PPM1K: variants seen among roughly 807,000 people sequenced by gnomAD.
PPM1K encodes the protein protein phosphatase Mn(2+)-dependent 1K.
In PPM1K, 19 loss-of-function variants were observed where a neutral mutation model predicts 32.6. The ratio of observed to expected loss-of-function variants is 0.58; its 90% CI spans 0.41 to 0.86. The LOEUF (loss-of-function observed/expected upper bound fraction) is 0.86, where lower values mean the gene tolerates loss of function less well. PPM1K is among the 40% of genes least tolerant of loss of function. The probability of loss-of-function intolerance (pLI) is 0.00; values close to 1 mark genes in which losing one functional copy is unlikely to be tolerated. For synonymous variants in PPM1K, 159 were observed against 165.3 expected (o/e 0.96, Z 0.29); for missense variants, 362 against 461.2 (o/e 0.78, Z 1.97).
Position 88,282,082 on chromosome 4 carries a change from T to C in PPM1K, c.-60+2324A>G, listed in dbSNP as rs535921085. ...GCAATTAAAAATTGGGATGAGTTCATTATTCCACAAACTAAGAGAGAGAAG... is the reference window on the plus strand; with the variant it reads ...GCAATTAAAAATTGGGATGAGTTCACTATTCCACAAACTAAGAGAGAGAAG... On this transcript the variant is annotated intron_variant, in intron 1 of 6. Coordinates refer to ENST00000608933, the MANE Select transcript of PPM1K (RefSeq NM_152542.5). 1.2e-3 allele frequency among the ~76,000 whole-genome samples: 181 copies of C among 152,348 alleles called. 1 individual carries two copies. The highest frequency in any genetic ancestry group is 4.0e-3 in the African/African-American group (165 of 41,582).
intron 5 of PPM1K, among the ~76,000 whole-genome samples, chr4:88,266,469 G>T (rs550295816): frequency 2.0e-5 from 3 of 151,818 alleles, no homozygotes; most frequent in Admixed American, 6.6e-5. Context: ...TTGGGTGCAG[G>T]TGATGCTGAT....
intron 1 of PPM1K, among the ~76,000 whole-genome samples, chr4:88,281,040 CT>C (rs1203994172): frequency 3.3e-5 from 5 of 151,734 alleles, no homozygotes; most frequent in African/African-American, 1.2e-4. Flanking sequence ...AGACTTCAAA[CT>C]ACAATACAAT....
chr4:88,283,484 G>T, intron 1 of PPM1K, among the ~76,000 whole-genome samples: 1 of 152,174 alleles, frequency 6.6e-6, no homozygotes, highest in East Asian at 1.9e-4. Context: ...TCATTCCTCC[G>T]CCCTGACGGA....
intron 3 of PPM1K, 74 bp from the exon 4 acceptor site, chr4:88,268,980 A>AAT: frequency 7.9e-7 from 1 of 1,268,312 alleles, no homozygotes; most frequent in Non-Finnish European, 1.1e-6. Flanking sequence ...TTATTACAAA[A>AAT]TAAAACACAA....
At position 88,276,670 on chromosome 4, in the gene PPM1K, T is replaced by C. The variant is rs1372497243; in HGVS notation, c.541+473A>G. Reference sequence around the variant, plus strand: ...AAATTAGTGCATATTAACCATTGTCTTTTTCTATTTAGGACCTATTTGCAA... The same window carrying C: ...AAATTAGTGCATATTAACCATTGTCCTTTTCTATTTAGGACCTATTTGCAA... On this transcript the variant is annotated intron_variant, in intron 3 of 6. Coordinates refer to ENST00000608933, the MANE Select transcript of PPM1K (RefSeq NM_152542.5). The C allele has an allele frequency of 8.1e-6, 8 of 985,110 alleles. No individual in the cohort carries two copies. The Admixed American group carries it at 4.9e-4, about 61-fold the overall frequency. The allele number at this position is 985,110 out of a possible 1,614,324, so 61.0% of individuals were successfully genotyped here.
chr4:88,272,048 C>A (rs1208610275), intron 3 of PPM1K, among the ~76,000 whole-genome samples: 1 of 152,114 alleles, frequency 6.6e-6, no homozygotes. Context: ...ACATAAAGAG[C>A]AAAAGCTATA....
At chr4:88,277,484 C>T (rs1731826671) in intron 2 of PPM1K, 5 of 432,438 alleles carry the variant, frequency 1.2e-5, no homozygotes, top group Non-Finnish European at 8.3e-6. Context: ...TTGATCCTCA[C>T]TACCACAACC....
chr4:88,281,697 C>T lies in PPM1K; in HGVS notation c.-60+2709G>A, dbSNP rs114043660. ...AGGTAAACGAGATGTTACGAACTGG[C>T]TCCATGTCCTTTTCCATCTGCAATG... On this transcript the variant is annotated intron_variant, in intron 1 of 6. Coordinates refer to ENST00000608933, the MANE Select transcript of PPM1K (RefSeq NM_152542.5). Among the ~76,000 whole-genome samples, 526 of 152,304 alleles carry T rather than the reference C, an allele frequency of 3.5e-3. 1 individual carries two copies. The highest frequency in any genetic ancestry group is 0.012 in the African/African-American group (497 of 41,566).
At chr4:88,269,402 T>C (rs1029272474) in intron 3 of PPM1K, among the ~76,000 whole-genome samples, 7 of 152,232 alleles carry the variant, frequency 4.6e-5, no homozygotes, top group African/African-American at 1.4e-4. Context: ...TATCAGTTAG[T>C]AGGCTAAGTG....
At chr4:88,275,114 G>T (rs1731712951) in intron 3 of PPM1K, 1 of 622,062 alleles carries the variant, frequency 1.6e-6, no homozygotes, top group Admixed American at 6.3e-5. Flanking sequence ...AATGTTCTGG[G>T]ATCATTACTT....
At chr4:88,281,881 A>C (rs1415171545) in intron 1 of PPM1K, among the ~76,000 whole-genome samples, 1 of 152,152 alleles carries the variant, frequency 6.6e-6, no homozygotes, top group Non-Finnish European at 1.5e-5. Flanking sequence ...TAGACCCCAC[A>C]GCTCTGCCGA....
In PPM1K at chr4:88,262,497, G is replaced by C; in HGVS notation, c.*98C>G. ...CTAAGTGGTTTACACTGACTTGTGC[G>C]CTGATCTAGTGAGTTAGGAGACCTT... On this transcript the variant is annotated 3_prime_UTR_variant, in exon 7 of 7. Coordinates refer to ENST00000608933, the MANE Select transcript of PPM1K (RefSeq NM_152542.5). 1 of 1,349,666 alleles carries C rather than the reference G, an allele frequency of 7.4e-7. No homozygotes were observed. Among genetic ancestry groups the C allele is most frequent in the Non-Finnish European group, 1.0e-6 (1 of 983,660 alleles). The allele number at this position is 1,349,666 out of a possible 1,614,324, so 83.6% of individuals were successfully genotyped here.
chr4:88,262,659 T>C lies in PPM1K; in HGVS notation c.1055A>G (p.Tyr352Cys), dbSNP rs149003637. 1.8e-4 allele frequency: 289 copies of C among 1,614,086 alleles called. No individual in the cohort carries two copies. Among genetic ancestry groups the C allele is most frequent in the Middle Eastern group, 1.5e-3 (9 of 6,084 alleles). ...VVVPFGAWGK[Y>C]KNSEINFSFS... ...TGAGAAGTTGATTTCAGAGTTCTTA[T>C]ATTTTCCCCAGGCACCAAAAGGCAC... is the stretch of plus-strand genomic sequence containing the variant. Residue 352 changes from tyrosine to cysteine, a missense_variant, in exon 7 of 7, where the codon TAT becomes TGT. Physicochemically the swap from Tyr to Cys is radical, Grantham distance 194. Transcript: ENST00000608933.
intron 3 of PPM1K, 76 bp from the exon 4 acceptor site, chr4:88,268,982 A>G: frequency 7.9e-7 from 1 of 1,259,306 alleles, no homozygotes; most frequent in Non-Finnish European, 1.1e-6. Context: ...ATTACAAAAT[A>G]AAACACAAGC....
Position 88,260,664 on chromosome 4 carries a change from C to G in PPM1K, c.*1931G>C, listed in dbSNP as rs1731084206. The G allele has an allele frequency of 6.6e-6, 1 of 151,428 alleles. No homozygotes were observed. The highest frequency in any genetic ancestry group is 2.1e-4 in the South Asian group (1 of 4,798). 9.4% of individuals were successfully genotyped at this position (151,428 alleles called of 1,614,324 possible). On this transcript the variant is annotated 3_prime_UTR_variant, in exon 7 of 7. Transcript: ENST00000608933. ...CCTGATTAATATAGGCAGAAAAACTCAAGATTTATCTTCTTCCATTTCCAA... is the reference window on the plus strand; with the variant it reads ...CCTGATTAATATAGGCAGAAAAACTGAAGATTTATCTTCTTCCATTTCCAA...
chr4:88,276,079 G>A (rs755826190), intron 3 of PPM1K: 16 of 985,342 alleles, frequency 1.6e-5, no homozygotes, highest in Admixed American at 6.1e-5. Context: ...TAGAGCCATC[G>A]CAGAGTTACC....
At chr4:88,271,562 A>G (rs1731557339) in intron 3 of PPM1K, among the ~76,000 whole-genome samples, 1 of 152,354 alleles carries the variant, frequency 6.6e-6, no homozygotes, top group East Asian at 1.9e-4. Context: ...ACACTCACGC[A>G]TATACACATT....
intron 3 of PPM1K, among the ~76,000 whole-genome samples, chr4:88,270,655 C>CAA: frequency 6.6e-6 from 1 of 152,264 alleles, no homozygotes; most frequent in South Asian, 2.1e-4. Flanking sequence ...AAACCATCTA[C>CAA]AATAGTTTTC....
chr4:88,268,704 C>T lies in PPM1K; in HGVS notation c.707+37G>A, dbSNP rs1731437468. On this transcript the variant is annotated intron_variant, in intron 4 of 6. Coordinates refer to ENST00000608933, the MANE Select transcript of PPM1K (RefSeq NM_152542.5). Reference sequence around the variant, plus strand: ...ACTATTATGAACTAAAAACATCATCCACATAGAATGATATGATGGATCAGT... The same window carrying T: ...ACTATTATGAACTAAAAACATCATCTACATAGAATGATATGATGGATCAGT... 3.8e-6 allele frequency: 6 copies of T among 1,574,282 alleles called. No individual in the cohort carries two copies. In the African/African-American group the frequency reaches 4.1e-5, roughly 11 times the overall value.
Sources: gnomAD v4.1 joint callset for allele counts (sites outside exome capture counted in the v4.1 genomes callset) on GRCh38, gnomAD v4.1.1 for gene constraint, MANE v1.5 for transcripts, NCBI Gene and HGNC (gene_info 2026-07-23, HGNC 2026-07-21) for gene names.